AKAP19: variants seen among roughly 807,000 people sequenced by gnomAD.
AKAP19 encodes small A-kinase anchoring protein.
the AKAP19 span, chr2:190,180,858 C>T: frequency 1.0e-6 from 1 of 985,318 alleles, no homozygotes; most frequent in Non-Finnish European, 1.2e-6. This position sits in a 1 kb window ranked among gnomAD's most constrained non-coding sequence, Gnocchi z 6.8. Context: ...GACGCCCCGT[C>T]CTCCACATGC....
At chr2:190,154,790 C>T in the AKAP19 span, among the ~76,000 whole-genome samples, 14 of 152,200 alleles carry the variant, frequency 9.2e-5, no homozygotes, top group African/African-American at 3.1e-4. Context: ...AAATAAACTT[C>T]ACTCTTAGGG....
At chr2:190,036,699 C>T in the AKAP19 span, among the ~76,000 whole-genome samples, 1 of 152,056 alleles carries the variant, frequency 6.6e-6, no homozygotes, top group African/African-American at 2.4e-5. Flanking sequence ...GCTTTGGTAT[C>T]GTGTAGAATA....
At chr2:190,048,355 T>C in the AKAP19 span, among the ~76,000 whole-genome samples, 1 of 152,200 alleles carries the variant, frequency 6.6e-6, no homozygotes, top group Admixed American at 6.5e-5. Context: ...ATGTAGGCTC[T>C]AGACTAACTG....
At chr2:190,051,379 C>G in the AKAP19 span, among the ~76,000 whole-genome samples, 1 of 152,144 alleles carries the variant, frequency 6.6e-6, no homozygotes, top group African/African-American at 2.4e-5. Flanking sequence ...TGGCCAGATT[C>G]CAGCCACTGT....
chr2:189,952,881 T>C, the AKAP19 span, among the ~76,000 whole-genome samples: 1 of 152,228 alleles, frequency 6.6e-6, no homozygotes, highest in Admixed American at 6.5e-5. Context: ...TGTAAATAAG[T>C]TACTTTCAGT....
the AKAP19 span, among the ~76,000 whole-genome samples, chr2:190,108,560 C>T: frequency 1.5e-4 from 23 of 152,288 alleles, no homozygotes; most frequent in African/African-American, 5.3e-4. Flanking sequence ...TAGAATATGG[C>T]TATCTCCTGA....
the AKAP19 span, among the ~76,000 whole-genome samples, chr2:190,102,225 C>T: frequency 6.6e-6 from 1 of 151,862 alleles, no homozygotes; most frequent in Non-Finnish European, 1.5e-5. Flanking sequence ...AAACACTTAC[C>T]TCAAAAAATT....
chr2:190,193,886 G>A, the AKAP19 span, among the ~76,000 whole-genome samples: 1 of 151,902 alleles, frequency 6.6e-6, no homozygotes, highest in Non-Finnish European at 1.5e-5. Context: ...TTATATCACT[G>A]ATTTAAACTT....
the AKAP19 span, among the ~76,000 whole-genome samples, chr2:190,063,842 G>A: frequency 6.6e-5 from 10 of 152,020 alleles, no homozygotes; most frequent in African/African-American, 1.9e-4. Context: ...GGGATCAAAC[G>A]TTCAACCTTA....
the AKAP19 span, among the ~76,000 whole-genome samples, chr2:190,026,137 A>T: frequency 6.6e-6 from 1 of 152,202 alleles, no homozygotes; most frequent in East Asian, 1.9e-4. Context: ...ATAATACTAC[A>T]TTGCATTGCA....
At chr2:190,154,399 C>T in the AKAP19 span, among the ~76,000 whole-genome samples, 1 of 152,120 alleles carries the variant, frequency 6.6e-6, no homozygotes, top group Non-Finnish European at 1.5e-5. Context: ...ATTTCTGTTT[C>T]TCCTTGTATA....
the AKAP19 span, among the ~76,000 whole-genome samples, chr2:190,061,517 ATAGTACTATGGTCAAGG>A: frequency 6.6e-6 from 1 of 152,018 alleles, no homozygotes; most frequent in Non-Finnish European, 1.5e-5. Flanking sequence ...ACTCTCAATA[ATAGTACTATGGTCAAGG>A]TACAAGGAGG....
chr2:189,893,697 T>C, the AKAP19 span, among the ~76,000 whole-genome samples: 2 of 152,322 alleles, frequency 1.3e-5, no homozygotes, highest in East Asian at 1.9e-4. Context: ...TGCTTGCTTT[T>C]ATCTGTACAG....
the AKAP19 span, among the ~76,000 whole-genome samples, chr2:190,126,289 CAAAAAAAAAAAAAAAAA>C: frequency 6.1e-4 from 19 of 31,322 alleles, no homozygotes; most frequent in South Asian, 0.019. Flanking sequence ...GATTCCATCT[CAAAAAAAAAAAAAAAAA>C]AAAAAAAAAA....
At chr2:189,895,880 A>G in the AKAP19 span, among the ~76,000 whole-genome samples, 4 of 152,058 alleles carry the variant, frequency 2.6e-5, no homozygotes, top group African/African-American at 9.7e-5. Context: ...TCACGGTGGT[A>G]CATGCCTATA....
At chr2:189,996,307 G>C in the AKAP19 span, among the ~76,000 whole-genome samples, 1 of 152,074 alleles carries the variant, frequency 6.6e-6, no homozygotes, top group South Asian at 2.1e-4. Flanking sequence ...TTCTTTCTTT[G>C]TCTTTGTCTG....
the AKAP19 span, among the ~76,000 whole-genome samples, chr2:189,998,039 A>G: frequency 1.3e-5 from 2 of 152,292 alleles, no homozygotes; most frequent in East Asian, 3.9e-4. Context: ...AGCTCTAGGA[A>G]AGCTTAAGTC....
the AKAP19 span, among the ~76,000 whole-genome samples, chr2:190,194,150 C>A: frequency 4.6e-5 from 7 of 152,120 alleles, no homozygotes; most frequent in Non-Finnish European, 1.0e-4. Context: ...CCTTTGAAAT[C>A]TGCTGAGACT....
chr2:189,993,971 TC>T, the AKAP19 span, among the ~76,000 whole-genome samples: 12 of 152,130 alleles, frequency 7.9e-5, no homozygotes, highest in Admixed American at 1.3e-4. Flanking sequence ...GTTTCATTTA[TC>T]TTTTGTATTT....
Sources: allele counts gnomAD v4.1 joint callset (sites outside exome capture counted in the v4.1 genomes callset), GRCh38; gene constraint gnomAD v4.1.1; non-coding constraint Gnocchi (gnomAD v3.1); transcripts MANE v1.5; gene names NCBI Gene and HGNC (gene_info 2026-07-23, HGNC 2026-07-21).